PI4KA: variants seen among roughly 807,000 people sequenced by gnomAD.
PI4KA encodes phosphatidylinositol 4-kinase alpha.
Under a neutral mutation model 271.4 loss-of-function variants are expected in PI4KA, and 122 were observed. The observed-to-expected ratio is 0.45, with a 90% CI of 0.39 to 0.52. The LOEUF (loss-of-function observed/expected upper bound fraction) is 0.52, where lower values mean the gene tolerates loss of function less well. PI4KA is among the 20% of genes least tolerant of loss of function. The probability of loss-of-function intolerance (pLI) is 0.00; values close to 1 mark genes in which losing one functional copy is unlikely to be tolerated. For missense variants in PI4KA, 1,969 were observed against 2,769.1 expected (o/e 0.71, Z 6.48); for synonymous variants, 1,041 against 1,078.8 (o/e 0.96, Z 0.69).
intron 29 of PI4KA, among the ~76,000 whole-genome samples, chr22:20,746,922 G>C (rs141418690): frequency 2.0e-3 from 305 of 152,248 alleles, no homozygotes; most frequent in African/African-American, 6.8e-3. Context: ...TTCCTCCTGG[G>C]TACACAGCCT....
At chr22:20,826,180 T>C (rs1408336335) in intron 3 of PI4KA, among the ~76,000 whole-genome samples, 1 of 151,962 alleles carries the variant, frequency 6.6e-6, no homozygotes, top group Admixed American at 6.6e-5. Flanking sequence ...CCATCTCCAC[T>C]ATAAATATAA....
At chr22:20,811,809 C>T (rs1194493251) in intron 8 of PI4KA, among the ~76,000 whole-genome samples, 1 of 151,772 alleles carries the variant, frequency 6.6e-6, no homozygotes, top group Non-Finnish European at 1.5e-5. Flanking sequence ...GTCAGGAGAT[C>T]GAGACCATCC....
At position 20,781,530 on chromosome 22, in the gene PI4KA, G is replaced by T. The variant is rs1481964459; in HGVS notation, c.2328+11663C>A. ...AGGGGGCCAGAGCCCCTCCTGATCT[G>T]TCCACACACCTGCTCTGTGCCTTGG... On this transcript the variant is annotated intron_variant, in intron 19 of 54. Coordinates refer to ENST00000255882, the MANE Select transcript of PI4KA (RefSeq NM_058004.4). Among the ~76,000 whole-genome samples, 5 of 152,340 alleles carry T rather than the reference G, an allele frequency of 3.3e-5. No individual in the cohort carries two copies. The East Asian group carries it at 9.6e-4, about 29-fold the overall frequency.
At chr22:20,833,246 G>C (rs1008425440) in intron 3 of PI4KA, among the ~76,000 whole-genome samples, 2 of 152,140 alleles carry the variant, frequency 1.3e-5, no homozygotes, top group African/African-American at 4.8e-5. Flanking sequence ...CTCTGAGGTT[G>C]AGAACATGCA....
At chr22:20,821,784 T>A (rs996288105) in intron 4 of PI4KA, among the ~76,000 whole-genome samples, 14 of 151,388 alleles carry the variant, frequency 9.2e-5, no homozygotes, top group African/African-American at 3.4e-4. Context: ...AGAGACGGGG[T>A]TTCTCCATGT....
intron 29 of PI4KA, among the ~76,000 whole-genome samples, chr22:20,745,005 C>T (rs1929896001): frequency 6.6e-6 from 1 of 152,070 alleles, no homozygotes; most frequent in Admixed American, 6.5e-5. Context: ...AGAGCAATGT[C>T]ACCTGTGATG....
intron 2 of PI4KA, among the ~76,000 whole-genome samples, chr22:20,838,306 C>CTG (rs1022419530): frequency 4.2e-4 from 64 of 152,252 alleles, no homozygotes; most frequent in African/African-American, 1.5e-3. Flanking sequence ...CAAACCTACC[C>CTG]TGGAAGGCAC....
In PI4KA at chr22:20,814,195, C is replaced by A. The variant is rs148144853; in HGVS notation, c.857-689G>T. On this transcript the variant is annotated intron_variant, in intron 7 of 54. Coordinates refer to ENST00000255882, the MANE Select transcript of PI4KA (RefSeq NM_058004.4). ...CCAAAATTAGAAAAAAAAATGCACACTACTAGAAGTTTCAAAGTCAGAGCA... is the reference window on the plus strand; with the variant it reads ...CCAAAATTAGAAAAAAAAATGCACAATACTAGAAGTTTCAAAGTCAGAGCA... Among the ~76,000 whole-genome samples the A allele has an allele frequency of 7.4e-4, 112 of 152,076 alleles. 2 individuals carry two copies. In the East Asian group the frequency reaches 0.018, roughly 25 times the overall value.
rs361731 is a variant in PI4KA, at chr22:20,817,734, CAAAAAAAAAAAAAAAAAAAA to C, written c.856+729_856+748del. Among the ~76,000 whole-genome samples the C allele has an allele frequency of 3.4e-3, 47 of 13,970 alleles. 1 individual carries two copies. The highest frequency in any genetic ancestry group is 0.024 in the East Asian group (8 of 332). 9.2% of individuals were successfully genotyped at this position (13,970 alleles called of 152,430 possible). On this transcript the variant is annotated intron_variant, in intron 7 of 54. Coordinates refer to ENST00000255882, the MANE Select transcript of PI4KA (RefSeq NM_058004.4). ...GGGTGGCAGAGTGAGACTCTCTCTC[CAAAAAAAAAAAAAAAAAAAA>C]AAAAAAAAAAAAAAAAAAGTAGTAA... is the stretch of plus-strand genomic sequence containing the variant.
At chr22:20,845,654 A>C (rs1479770981) in intron 1 of PI4KA, among the ~76,000 whole-genome samples, 1 of 152,242 alleles carries the variant, frequency 6.6e-6, no homozygotes, top group Admixed American at 6.5e-5. Context: ...CTACAAATGT[A>C]AATGGAACAG....
chr22:20,779,503 C>A, intron 19 of PI4KA: 1 of 1,614,104 alleles, frequency 6.2e-7, no homozygotes, highest in Non-Finnish European at 8.5e-7. Context: ...AAGGAAAACA[C>A]CGTCACCAAC....
At chr22:20,740,941 C>T (rs1417514098) in intron 32 of PI4KA, among the ~76,000 whole-genome samples, 1 of 152,184 alleles carries the variant, frequency 6.6e-6, no homozygotes, top group Non-Finnish European at 1.5e-5. Context: ...ATTACTGGAA[C>T]TGTTAAAGAA....
chr22:20,854,278 G>A (rs879520154), intron 1 of PI4KA, among the ~76,000 whole-genome samples: 14 of 151,944 alleles, frequency 9.2e-5, no homozygotes, highest in Non-Finnish European at 2.1e-4. Context: ...CCGCCACCAC[G>A]CCTGGCTAAT....
intron 42 of PI4KA, chr22:20,722,086 C>T (rs1030972791): frequency 2.6e-5 from 4 of 152,348 alleles, no homozygotes; most frequent in Non-Finnish European, 4.4e-5. Context: ...ACCTACTTCC[C>T]CTTCCACCAT....
intron 9 of PI4KA, among the ~76,000 whole-genome samples, chr22:20,808,684 A>AT (rs977259312): frequency 4.5e-4 from 65 of 143,514 alleles, no homozygotes; most frequent in Middle Eastern, 3.6e-3. Flanking sequence ...CGTTTTTTTC[A>AT]TTTTTTTTTT....
Position 20,764,906 on chromosome 22 carries a change from G to C in PI4KA, c.2619C>G (p.Asp873Glu), listed in dbSNP as rs760691392. 14 of 1,613,348 alleles carry C rather than the reference G, an allele frequency of 8.7e-6. No homozygotes were observed. The highest frequency in any genetic ancestry group is 1.3e-5 in the African/African-American group (1 of 74,900). ...TGAGTGCGGACACCTCGGGAGGGGG[G>C]TCCAGCAGGTTGATGATAGTGCTGC... is the stretch of plus-strand genomic sequence containing the variant. ...ELRSTIINLL[D>E]PPPEVSALIN... Residue 873 changes from aspartate (D) to glutamate (E), a missense_variant, in exon 22 of 55, where the codon GAC (aspartate) becomes GAG (glutamate). Transcript: ENST00000255882.
intron 19 of PI4KA, among the ~76,000 whole-genome samples, chr22:20,778,870 C>T (rs1488157040): frequency 3.3e-5 from 5 of 152,154 alleles, no homozygotes; most frequent in African/African-American, 9.7e-5. Flanking sequence ...ATTTTGAGAG[C>T]CTTCGCTTTA....
chr22:20,804,888 C>G, intron 11 of PI4KA, 86 bp downstream of exon 11: 1 of 1,112,906 alleles, frequency 9.0e-7, no homozygotes, highest in Non-Finnish European at 1.3e-6. Flanking sequence ...GCCAAGTGTT[C>G]TAGAAGTAGT....
chr22:20,751,811 T>C (rs1930729838), intron 25 of PI4KA, 56 bp from the exon 26 acceptor site: 3 of 1,498,546 alleles, frequency 2.0e-6, no homozygotes, highest in Non-Finnish European at 2.8e-6. Flanking sequence ...GAAGGTCTGC[T>C]TCTAGGAGCC....
Sources: allele counts gnomAD v4.1 joint callset (sites outside exome capture counted in the v4.1 genomes callset), GRCh38; gene constraint gnomAD v4.1.1; transcripts MANE v1.5; gene names NCBI Gene and HGNC (gene_info 2026-07-23, HGNC 2026-07-21).